ERICH6: variants seen among roughly 807,000 people sequenced by gnomAD.
ERICH6 encodes the protein glutamate-rich protein 6.
In ERICH6, 71 loss-of-function variants were observed where a neutral mutation model predicts 71.0. That is an observed-to-expected ratio of 1.00 (90% CI 0.83 to 1.22). ERICH6 has a LOEUF of 1.22. ERICH6 is among the 50% of genes most tolerant of loss of function. The pLI is 0.00. For missense variants in ERICH6, 808 were observed against 797.2 expected (o/e 1.01, Z -0.16); for synonymous variants, 262 against 278.4 (o/e 0.94, Z 0.59).
chr3:150,680,833 G>A lies in ERICH6; in HGVS notation c.980C>T (p.Pro327Leu), dbSNP rs758022731. The change falls in exon 8 of 14, where the codon CCT (proline) becomes CTT (leucine). Residue 327 changes from proline to leucine, a missense_variant. Around this residue, in one of 3 missense-constraint regions of ERICH6, gnomAD observed 736 missense variants for 712.2 expected, o/e 1.03. Coordinates refer to ENST00000295910, the MANE Select transcript of ERICH6 (RefSeq NM_152394.5). ...GACCTCACTACCATGGGCTGCATGA[G>A]GGTCAATAGCAATTAATTCAGCTTT... ...PPKAELIAIDPHAAHGSEVDR... is the reference protein window; with the variant it reads ...PPKAELIAIDLHAAHGSEVDR... 2.4e-5 allele frequency: 38 copies of A among 1,613,926 alleles called. No homozygotes were observed. In the South Asian group the frequency reaches 4.0e-4, roughly 17 times the overall value.
chr3:150,684,426 G>T (rs1712095848), intron 6 of ERICH6, among the ~76,000 whole-genome samples: 1 of 152,212 alleles, frequency 6.6e-6, no homozygotes, highest in South Asian at 2.1e-4. Context: ...CATCCATACG[G>T]CATTTCCATT....
At chr3:150,699,723 CA>C (rs146953448) in intron 2 of ERICH6, among the ~76,000 whole-genome samples, 6,572 of 136,674 alleles carry the variant, frequency 0.048, 174 homozygotes, top group South Asian at 0.086. Context: ...GAGATAAAAA[CA>C]AAAAAAAAAA....
At chr3:150,660,419 A>C (rs1176051411) in intron 13 of ERICH6, among the ~76,000 whole-genome samples, 1 of 152,176 alleles carries the variant, frequency 6.6e-6, no homozygotes, top group African/African-American at 2.4e-5. Context: ...GCACCTACTG[A>C]GGGGATCACA....
chr3:150,668,254 C>G (rs1031749110), intron 12 of ERICH6, among the ~76,000 whole-genome samples: 2 of 152,124 alleles, frequency 1.3e-5, no homozygotes, highest in African/African-American at 4.8e-5. Flanking sequence ...AGCAAAGATT[C>G]AGGATGTGCC....
At chr3:150,665,099 G>GATTTTTT (rs1163745581) in intron 13 of ERICH6, among the ~76,000 whole-genome samples, 3 of 152,036 alleles carry the variant, frequency 2.0e-5, no homozygotes, top group Non-Finnish European at 4.4e-5. Context: ...AACAAAAGGA[G>GATTTTTT]GGGATACTGC....
intron 11 of ERICH6, among the ~76,000 whole-genome samples, chr3:150,672,936 G>T (rs940357495): frequency 2.0e-5 from 3 of 151,764 alleles, no homozygotes; most frequent in Admixed American, 6.6e-5. Flanking sequence ...GAGTTGGGGG[G>T]ACTGCTTGAA....
chr3:150,682,408 G>A, intron 6 of ERICH6, 92 bp from the exon 7 acceptor site: 1 of 880,772 alleles, frequency 1.1e-6, no homozygotes, highest in Non-Finnish European at 1.8e-6. Context: ...GGCATGGTCA[G>A]TGAATGGAAC....
chr3:150,661,447 G>A (rs995440391), intron 13 of ERICH6, among the ~76,000 whole-genome samples: 1 of 152,096 alleles, frequency 6.6e-6, no homozygotes, highest in African/African-American at 2.4e-5. Flanking sequence ...AATTCAAATT[G>A]AACACACAAC....
At chr3:150,680,684 A>G in intron 8 of ERICH6, 89 bp downstream of exon 8, 1 of 1,553,034 alleles carries the variant, frequency 6.4e-7, no homozygotes, top group Non-Finnish European at 8.7e-7. Flanking sequence ...CTTCAAAGTT[A>G]TATATCTTGA....
chr3:150,700,873 C>T (rs970431456), intron 2 of ERICH6, among the ~76,000 whole-genome samples: 1 of 152,200 alleles, frequency 6.6e-6, no homozygotes, highest in Non-Finnish European at 1.5e-5. Flanking sequence ...TGAGCCACTG[C>T]ATCTGGCAAA....
intron 3 of ERICH6, among the ~76,000 whole-genome samples, chr3:150,695,394 G>A (rs1712616970): frequency 6.6e-6 from 1 of 152,082 alleles, no homozygotes; most frequent in Non-Finnish European, 1.5e-5. Flanking sequence ...GCTCACGCCT[G>A]GAATCCCAGG....
intron 2 of ERICH6, 150 bp downstream of exon 2, chr3:150,701,971 A>T (rs915901406): frequency 1.9e-6 from 1 of 522,006 alleles, no homozygotes; most frequent in Admixed American, 3.8e-5. Flanking sequence ...TCTCTTTCAA[A>T]GTGTCTACCA....
chr3:150,685,707 T>A (rs750297211), intron 6 of ERICH6, 35 bp downstream of exon 6: 3 of 1,478,210 alleles, frequency 2.0e-6, no homozygotes, highest in Non-Finnish European at 1.9e-6. Flanking sequence ...GTCATTTTTT[T>A]AAGAGTAATA....
At chr3:150,680,321 G>C in intron 9 of ERICH6, 147 bp downstream of exon 9, 1 of 744,840 alleles carries the variant, frequency 1.3e-6, no homozygotes, top group South Asian at 1.9e-5. Context: ...TCCCACCTTG[G>C]CTTCCCAAAG....
At chr3:150,690,826 T>G (rs1712405251) in intron 3 of ERICH6, among the ~76,000 whole-genome samples, 1 of 152,234 alleles carries the variant, frequency 6.6e-6, no homozygotes, top group Non-Finnish European at 1.5e-5. Flanking sequence ...CAAAATGATC[T>G]TTGCTTGTAT....
At chr3:150,675,182 T>C (rs948629546) in intron 10 of ERICH6, among the ~76,000 whole-genome samples, 5 of 152,220 alleles carry the variant, frequency 3.3e-5, no homozygotes, top group African/African-American at 1.2e-4. Flanking sequence ...TGGTTTTCTT[T>C]ATTTCTCCTT....
At chr3:150,661,293 G>T (rs917070909) in intron 13 of ERICH6, among the ~76,000 whole-genome samples, 1 of 152,212 alleles carries the variant, frequency 6.6e-6, no homozygotes, top group African/African-American at 2.4e-5. Flanking sequence ...GATCAATTGG[G>T]AGGCAGGCCC....
At chr3:150,691,280 A>G (rs1712420235) in intron 3 of ERICH6, among the ~76,000 whole-genome samples, 2 of 152,230 alleles carry the variant, frequency 1.3e-5, no homozygotes, top group South Asian at 4.1e-4. Context: ...AATTATAGAT[A>G]TTTCATTATT....
intron 6 of ERICH6, among the ~76,000 whole-genome samples, chr3:150,684,699 C>A (rs1382576586): frequency 6.6e-6 from 1 of 152,140 alleles, no homozygotes; most frequent in African/African-American, 2.4e-5. Context: ...CTTTCTCTTG[C>A]CCTTCAAATA....
Sources: gnomAD v4.1 joint callset for allele counts (sites outside exome capture counted in the v4.1 genomes callset) on GRCh38, gnomAD v4.1.1 for gene constraint, gnomAD v4.1.1 regional missense constraint, MANE v1.5 for transcripts, NCBI Gene and HGNC (gene_info 2026-07-23, HGNC 2026-07-21) for gene names.